The following PCDH11Y variants were observed in gnomAD, a reference collection of about 807,000 sequenced individuals.
The protein encoded by PCDH11Y is protocadherin-11 Y-linked.
For synonymous variants in PCDH11Y, 9 were observed against 83.6 expected (o/e 0.11, Z 4.87); for missense variants, 12 against 224.8 (o/e 0.05, Z 6.05).
chrY:5,314,179 A>C, intron 2 of PCDH11Y, among the ~76,000 whole-genome samples: 1 of 32,064 alleles, frequency 3.1e-5, no homozygotes, highest in Non-Finnish European at 7.6e-5. Context: ...ATGGAGTTTC[A>C]CTCTTGTTGC....
In PCDH11Y at chrY:5,330,140, A is replaced by G. The variant is rs201638235; in HGVS notation, c.3130-170917A>G. On this transcript the variant is annotated intron_variant, in intron 2 of 4. Coordinates refer to the PCDH11Y transcript ENST00000400457. ...ATTTGGGTAGGTAAAGGAAAATTAC[A>G]GTCAAAGGGGGTTTGTTCTCTGGCG... Among the ~76,000 whole-genome samples the G allele has an allele frequency of 0.026, 807 of 31,160 alleles. No homozygotes were observed. The East Asian group carries it at 0.75, about 29-fold the overall frequency. The allele number at this position is 31,160 out of a possible 37,273, so 83.6% of individuals were successfully genotyped here.
intron 4 of PCDH11Y, among the ~76,000 whole-genome samples, chrY:5,645,042 G>A (rs1602955824): frequency 5.6e-4 from 18 of 32,186 alleles, no homozygotes; most frequent in South Asian, 4.8e-3. Context: ...TGCAAATTTC[G>A]TGAGGGCATG....
At chrY:5,652,367 G>A (rs2053532154) in intron 4 of PCDH11Y, among the ~76,000 whole-genome samples, 1 of 32,968 alleles carries the variant, frequency 3.0e-5, no homozygotes, top group African/African-American at 1.2e-4. Flanking sequence ...ATGTCTTTGG[G>A]AGGAAAAAGT....
At chrY:5,425,055 A>C in intron 2 of PCDH11Y, among the ~76,000 whole-genome samples, 1 of 33,346 alleles carries the variant, frequency 3.0e-5, no homozygotes, top group Non-Finnish European at 7.4e-5. Flanking sequence ...GATAAGTGTT[A>C]TCTCCTCAAG....
intron 4 of PCDH11Y, among the ~76,000 whole-genome samples, chrY:5,701,512 G>A: frequency 3.0e-5 from 1 of 32,987 alleles, no homozygotes; most frequent in Non-Finnish European, 7.5e-5. Context: ...CAGCTTCCAC[G>A]TGGTGTTGAG....
chrY:5,635,978 C>T, intron 4 of PCDH11Y, among the ~76,000 whole-genome samples: 1 of 34,041 alleles, frequency 2.9e-5, no homozygotes, highest in African/African-American at 1.1e-4. Flanking sequence ...ACAACCTCAA[C>T]CACAAACACA....
At chrY:5,404,619 A>G in intron 2 of PCDH11Y, among the ~76,000 whole-genome samples, 1 of 32,966 alleles carries the variant, frequency 3.0e-5, no homozygotes, top group Non-Finnish European at 7.5e-5. Flanking sequence ...CGTTAAAGCC[A>G]TTCAATGAAA....
At chrY:5,697,339 T>C (rs2124711452) in intron 4 of PCDH11Y, among the ~76,000 whole-genome samples, 1 of 29,492 alleles carries the variant, frequency 3.4e-5, no homozygotes, top group South Asian at 9.0e-4. Flanking sequence ...AGATGATGAG[T>C]TGATGGGTGC....
At position 5,145,362 on chromosome Y, in the gene PCDH11Y, A is replaced by C. The variant is rs72617648; in HGVS notation, c.3129+44655A>C. ...TGCTGAGCCTTATGGTTAATAGTAT[A>C]TTTAGTTTTGTGAAAAACTGCCAAA... On this transcript the variant is annotated intron_variant, in intron 2 of 4. Coordinates refer to the PCDH11Y transcript ENST00000400457. Among the ~76,000 whole-genome samples the C allele has an allele frequency of 4.6e-3, 155 of 33,347 alleles. No individual in the cohort carries two copies. The East Asian group carries it at 0.11, about 24-fold the overall frequency. 89.5% of individuals were successfully genotyped at this position (33,347 alleles called of 37,273 possible).
chrY:5,547,743 A>C, intron 3 of PCDH11Y, among the ~76,000 whole-genome samples: 1 of 32,434 alleles, frequency 3.1e-5, no homozygotes, highest in Non-Finnish European at 7.6e-5. Context: ...TAACATGATC[A>C]TAGCTCACAG....
At chrY:5,267,503 G>A in intron 2 of PCDH11Y, among the ~76,000 whole-genome samples, 1 of 31,733 alleles carries the variant, frequency 3.2e-5, no homozygotes, top group African/African-American at 1.2e-4. Context: ...ACCGCGCCCG[G>A]CCGTTGCTCA....
At chrY:5,183,455 C>T (rs2124647343) in intron 2 of PCDH11Y, among the ~76,000 whole-genome samples, 1 of 32,283 alleles carries the variant, frequency 3.1e-5, no homozygotes, top group South Asian at 7.1e-4. Flanking sequence ...GTGTTTTTTG[C>T]GACATTTTTA....
intron 1 of PCDH11Y, among the ~76,000 whole-genome samples, chrY:5,029,098 C>T (rs2052584620): frequency 3.0e-5 from 1 of 32,951 alleles, no homozygotes; most frequent in African/African-American, 1.2e-4. Context: ...CCTCATAAAT[C>T]ATTCTAGGAG....
At chrY:5,071,440 A>G (rs2052699447) in intron 1 of PCDH11Y, among the ~76,000 whole-genome samples, 1 of 28,509 alleles carries the variant, frequency 3.5e-5, no homozygotes, top group Non-Finnish European at 8.4e-5. Flanking sequence ...AGAATTATTC[A>G]TAGGATTAGA....
intron 2 of PCDH11Y, among the ~76,000 whole-genome samples, chrY:5,364,139 G>T: frequency 3.2e-5 from 1 of 31,416 alleles, no homozygotes; most frequent in Non-Finnish European, 7.6e-5. Flanking sequence ...CCCCTCTAGG[G>T]CTAAAACAAG....
chrY:5,273,258 G>C, intron 2 of PCDH11Y, among the ~76,000 whole-genome samples: 2 of 33,396 alleles, frequency 6.0e-5, no homozygotes, highest in East Asian at 1.6e-3. Flanking sequence ...CTGTGGCATA[G>C]GTAGCTCATG....
intron 4 of PCDH11Y, among the ~76,000 whole-genome samples, chrY:5,675,117 T>C: frequency 2.9e-5 from 1 of 34,039 alleles, no homozygotes; most frequent in East Asian, 7.9e-4. Flanking sequence ...ACTCACAATT[T>C]CACATTGCTG....
At chrY:5,713,877 C>A (rs2053588034) in intron 4 of PCDH11Y, among the ~76,000 whole-genome samples, 1 of 30,716 alleles carries the variant, frequency 3.3e-5, no homozygotes, top group Non-Finnish European at 7.8e-5. Context: ...AATCTTCCTA[C>A]GAATTTGTTT....
At chrY:5,663,408 A>G (rs2053542491) in intron 4 of PCDH11Y, among the ~76,000 whole-genome samples, 1 of 33,253 alleles carries the variant, frequency 3.0e-5, no homozygotes. Flanking sequence ...ATTCACACAT[A>G]CTTCACATTT....
Sources: gnomAD v4.1 joint callset for allele counts (sites outside exome capture counted in the v4.1 genomes callset) on GRCh38, gnomAD v4.1.1 for gene constraint, MANE v1.5 for transcripts, NCBI Gene and HGNC (gene_info 2026-07-23, HGNC 2026-07-21) for gene names.